The following ZNF729 variants were observed in gnomAD, a reference collection of about 807,000 sequenced individuals.
ZNF729 encodes zinc finger protein 729.
Under a neutral mutation model 12.2 loss-of-function variants are expected in ZNF729, and 15 were observed. That is an observed-to-expected ratio of 1.23 (90% CI 0.82 to 1.89). The LOEUF is 1.89. Among genes scored for constraint, ZNF729 ranks in the 40% most tolerant of loss-of-function variants. The pLI is 0.00. For missense variants in ZNF729, 1,540 were observed against 1,456.7 expected (o/e 1.06, Z -0.93); for synonymous variants, 492 against 476.3 (o/e 1.03, Z -0.43).
rs762152432 is a variant in ZNF729, at chr19:22,314,342, G to T, written c.925G>T (p.Ala309Ser). The T allele has an allele frequency of 3.1e-6, 5 of 1,607,758 alleles. No individual in the cohort carries two copies. The South Asian group carries it at 4.4e-5, about 14-fold the overall frequency. ...TTTTAAGGGGTCCTCAAATTTTAAT[G>T]CACATAAGGTAATTCATACTGCAGA... ...KAFKGSSNFN[A>S]HKVIHTAEKP... The change falls in exon 4 of 4, where the codon GCA (alanine) becomes TCA (serine). Residue 309 changes from alanine to serine, a missense_variant. By Grantham distance (99) the Ala-to-Ser change is moderately conservative. Transcript: ENST00000601693.
chr19:22,316,645 C>G lies in ZNF729; in HGVS notation c.3228C>G (p.Cys1076Trp), dbSNP rs777466171. ...HKVIHTGEKP[C>W]KCEECDKAFK... The stretch of plus-strand genomic sequence containing the variant: ...TAATTCATACTGGAGAGAAACCCTG[C>G]AAATGTGAAGAATGTGACAAAGCTT... The change falls in exon 4 of 4, where the codon TGC becomes TGG. Residue 1076 changes from cysteine (C) to tryptophan (W), a missense_variant. Coordinates refer to ENST00000601693, the MANE Select transcript of ZNF729 (RefSeq NM_001242680.2). 1.2e-5 allele frequency: 19 copies of G among 1,612,772 alleles called. No homozygotes were observed. The highest frequency in any genetic ancestry group is 1.4e-5 in the Non-Finnish European group (16 of 1,179,758).
At chr19:22,308,234 A>G (rs1196066441) in intron 3 of ZNF729, among the ~76,000 whole-genome samples, 1 of 152,192 alleles carries the variant, frequency 6.6e-6, no homozygotes, top group East Asian at 1.9e-4. Flanking sequence ...CATCATATAT[A>G]TAATCTCACA....
At chr19:22,295,975 C>T (rs574176244) in intron 1 of ZNF729, among the ~76,000 whole-genome samples, 1 of 152,136 alleles carries the variant, frequency 6.6e-6, no homozygotes, top group Admixed American at 6.5e-5. Flanking sequence ...AGGGATAAAG[C>T]CTACTTGATC....
Position 22,304,793 on chromosome 19 carries a change from AG to A in ZNF729, c.253+11del, listed in dbSNP as rs1257792266. The A allele has an allele frequency of 2.5e-6, 4 of 1,611,918 alleles. No homozygotes were observed. In the African/African-American group the frequency reaches 5.3e-5, roughly 22 times the overall value. On this transcript the variant is annotated intron_variant, in intron 3 of 3. Transcript: ENST00000601693. ...GTAACTAAACCCCCAGGTATGTGAGAGTGAATACAACAGACAACACAGATAA... is the reference window on the plus strand; with the variant it reads ...GTAACTAAACCCCCAGGTATGTGAGATGAATACAACAGACAACACAGATAA...
At chr19:22,298,005 C>CAAAAAAAAAAAAAAA (rs34435303) in intron 1 of ZNF729, among the ~76,000 whole-genome samples, 1 of 68,134 alleles carries the variant, frequency 1.5e-5, no homozygotes, top group East Asian at 5.1e-4. Context: ...AACTCCATCT[C>CAAAAAAAAAAAAAAA]AAAAAAAAAA....
intron 1 of ZNF729, among the ~76,000 whole-genome samples, chr19:22,292,273 A>G (rs1037559635): frequency 2.6e-5 from 4 of 152,190 alleles, no homozygotes; most frequent in Admixed American, 1.3e-4. Context: ...GCTCTTACTA[A>G]TAAATGAGAA....
intron 2 of ZNF729, 126 bp downstream of exon 2, chr19:22,304,010 CAG>C (rs1274501275): frequency 1.4e-5 from 11 of 811,540 alleles, no homozygotes; most frequent in Admixed American, 3.2e-5. Context: ...TTTCTGGAAA[CAG>C]GGATTTATAA....
rs1968345731 is a variant in ZNF729 at position 22,303,797 on chromosome 19, C to G, written c.70C>G (p.Leu24Val). The G allele has an allele frequency of 6.3e-7, 1 of 1,575,432 alleles. No homozygotes were observed. Among genetic ancestry groups the G allele is most frequent in the Non-Finnish European group, 8.7e-7 (1 of 1,155,818 alleles). The change falls in exon 2 of 4, where the codon CTG (leucine) becomes GTG (valine). Residue 24 changes from leucine (L) to valine (V), a missense_variant. Leu to Val is a conservative substitution (Grantham distance 32). Transcript: ENST00000601693. ...TAGAGATGTGACCATAGAATTCTCT[C>G]TGGAGGAGTGGCAATGCCTGGACAC... is the stretch of plus-strand genomic sequence containing the variant. The part of the protein sequence containing the change: ...TFRDVTIEFS[L>V]EEWQCLDTVQ...
chr19:22,300,807 T>C lies in ZNF729; in HGVS notation c.31-2951T>C, dbSNP rs1968295329. Among the ~76,000 whole-genome samples the C allele has an allele frequency of 1.3e-5, 2 of 152,198 alleles. 1 individual carries two copies. Among genetic ancestry groups the C allele is most frequent in the South Asian group, 4.1e-4 (2 of 4,836 alleles). On this transcript the variant is annotated intron_variant, in intron 1 of 3. Transcript: ENST00000601693. ...ATGTGCATTGAGTAGACATGTACACTTGGGAATCTGTACTTCCTTTTTCTT... is the reference window on the plus strand; with the variant it reads ...ATGTGCATTGAGTAGACATGTACACCTGGGAATCTGTACTTCCTTTTTCTT...
chr19:22,294,211 T>A (rs1968193527), intron 1 of ZNF729, among the ~76,000 whole-genome samples: 1 of 152,250 alleles, frequency 6.6e-6, no homozygotes, highest in African/African-American at 2.4e-5. Context: ...CCCAGCACCA[T>A]TTATTAAATA....
intron 1 of ZNF729, among the ~76,000 whole-genome samples, chr19:22,289,086 T>C (rs1180295625): frequency 7.4e-6 from 1 of 135,992 alleles, no homozygotes. Context: ...TTTGGTCGCT[T>C]ATTTTGACCT....
At chr19:22,293,335 G>A (rs1568570959) in intron 1 of ZNF729, among the ~76,000 whole-genome samples, 3 of 146,646 alleles carry the variant, frequency 2.0e-5, no homozygotes, top group Non-Finnish European at 4.5e-5. Context: ...ACAGGGACTT[G>A]CCACCATGCC....
chr19:22,307,232 C>A (rs1489080916), intron 3 of ZNF729, among the ~76,000 whole-genome samples: 2 of 150,730 alleles, frequency 1.3e-5, no homozygotes, highest in Non-Finnish European at 2.9e-5. Flanking sequence ...TCTTGAACTC[C>A]TGGTCTGAAG....
rs570318591 is a variant in ZNF729 at position 22,300,698 on chromosome 19, TTA to T, written c.31-3058_31-3057del. Among the ~76,000 whole-genome samples, 41 of 152,330 alleles carry T rather than the reference TTA, an allele frequency of 2.7e-4. 1 individual carries two copies. In the South Asian group the frequency reaches 8.3e-3, roughly 31 times the overall value. On this transcript the variant is annotated intron_variant, in intron 1 of 3. Coordinates refer to ENST00000601693, the MANE Select transcript of ZNF729 (RefSeq NM_001242680.2). ...CTTCACAGGGCAGCAATCAACCATT[TTA>T]TGTTTTTCAGTGACTCTTGTATCTT...
intron 1 of ZNF729, among the ~76,000 whole-genome samples, chr19:22,288,007 G>A (rs913828512): frequency 1.3e-5 from 2 of 151,772 alleles, no homozygotes; most frequent in African/African-American, 2.4e-5. Context: ...CACCATGCCT[G>A]GCTACTTTTT....
In ZNF729 at chr19:22,313,838, A is replaced by G; in HGVS notation, c.421A>G (p.Lys141Glu). 6.3e-7 allele frequency: 1 copy of G among 1,579,878 alleles called. No homozygotes were observed. The highest frequency in any genetic ancestry group is 8.6e-7 in the Non-Finnish European group (1 of 1,166,182). The change falls in exon 4 of 4, where the codon AAA (lysine) becomes GAA (glutamate). Residue 141 changes from lysine (K) to glutamate (E), a missense_variant. By Grantham distance (56) the Lys-to-Glu change is moderately conservative. Transcript: ENST00000601693. Reference protein sequence around the residue: ...EGKMHKEGYNKLNQCRTATQR... With the variant: ...EGKMHKEGYNELNQCRTATQR... ...TAAGATGCACAAAGAAGGTTATAAT[A>G]AACTTAACCAATGCAGGACAGCTAC...
At chr19:22,289,914 A>G (rs1406930280) in intron 1 of ZNF729, among the ~76,000 whole-genome samples, 3 of 152,172 alleles carry the variant, frequency 2.0e-5, no homozygotes, top group African/African-American at 7.2e-5. Context: ...GAAATAGTAA[A>G]ATAATATTTA....
At chr19:22,291,549 T>A (rs1968154092) in intron 1 of ZNF729, among the ~76,000 whole-genome samples, 1 of 152,126 alleles carries the variant, frequency 6.6e-6, no homozygotes, top group South Asian at 2.1e-4. Context: ...AGACACTGAA[T>A]CTGCAGCAGC....
At chr19:22,304,590 G>A (rs766481648) in intron 2 of ZNF729, 98 bp from the exon 3 acceptor site, 16 of 1,049,072 alleles carry the variant, frequency 1.5e-5, no homozygotes, top group Non-Finnish European at 2.1e-5. Flanking sequence ...TAGTATTGGG[G>A]GATCAATTTA....
Sources: allele counts gnomAD v4.1 joint callset (sites outside exome capture counted in the v4.1 genomes callset), GRCh38; gene constraint gnomAD v4.1.1; transcripts MANE v1.5; gene names NCBI Gene and HGNC (gene_info 2026-07-23, HGNC 2026-07-21).